Variants in ATP11A observed in about 807,000 individuals in gnomAD.
ATP11A encodes phospholipid-transporting ATPase IH.
In ATP11A, 81 loss-of-function variants were observed where a neutral mutation model predicts 154.4. The ratio of observed to expected loss-of-function variants is 0.52; its 90% confidence interval spans 0.44 to 0.63. The LOEUF (loss-of-function observed/expected upper bound fraction) is 0.63. Ranked by LOEUF, ATP11A falls within the 30% of genes least tolerant of loss-of-function variation. The pLI is 0.00. For missense variants in ATP11A, 1,316 were observed against 1,474.3 expected, an observed-to-expected ratio of 0.89 and a Z score of 1.76; for synonymous variants, 623 against 585.9, an observed-to-expected ratio of 1.06 and a Z score of -0.91.
chr13:112,804,816 CTA>C (rs1157448252), intron 2 of ATP11A, 139 bp from the exon 3 acceptor site: 1 of 513,798 alleles, frequency 1.9e-6, no homozygotes, highest in Non-Finnish European at 3.3e-6. Flanking sequence ...AACAAACACT[CTA>C]AATTATGAAT....
chr13:112,878,026 G>C (rs1037003445), intron 28 of ATP11A, among the ~76,000 whole-genome samples, 191 bp from the exon 29 acceptor site: 1 of 152,214 alleles, frequency 6.6e-6, no homozygotes, highest in Non-Finnish European at 1.5e-5. Flanking sequence ...GGCGGGTCAC[G>C]GTGGGGGGCA....
intron 6 of ATP11A, among the ~76,000 whole-genome samples, chr13:112,817,338 T>G (rs1439496407): frequency 6.6e-6 from 1 of 152,240 alleles, no homozygotes; most frequent in East Asian, 1.9e-4. Context: ...CATAGATAAT[T>G]CATGATATGT....
At chr13:112,723,963 T>C (rs957250594) in intron 1 of ATP11A, among the ~76,000 whole-genome samples, 2 of 152,076 alleles carry the variant, frequency 1.3e-5, no homozygotes, top group Non-Finnish European at 2.9e-5. Flanking sequence ...TACCACTTAA[T>C]GTACATACAA....
intron 1 of ATP11A, among the ~76,000 whole-genome samples, chr13:112,698,888 A>AT (rs1029903670): frequency 4.0e-5 from 6 of 151,830 alleles, no homozygotes; most frequent in African/African-American, 1.5e-4. Flanking sequence ...CGCCTGTCTC[A>AT]TTTTTTAATT....
intron 1 of ATP11A, among the ~76,000 whole-genome samples, chr13:112,722,735 T>A (rs1889342349): frequency 1.3e-5 from 2 of 152,132 alleles, no homozygotes. Flanking sequence ...ACAATATGAG[T>A]GGCCGTGGCT....
At chr13:112,854,900 G>A (rs1278826682) in intron 19 of ATP11A, among the ~76,000 whole-genome samples, 2 of 152,246 alleles carry the variant, frequency 1.3e-5, no homozygotes, top group Admixed American at 6.5e-5. Context: ...AGGAAGTGGA[G>A]ATATTAATAA....
At chr13:112,805,189 GAAGGGCAA>G in intron 3 of ATP11A, 143 bp downstream of exon 3, 1 of 556,978 alleles carries the variant, frequency 1.8e-6, no homozygotes, top group Non-Finnish European at 3.0e-6. Flanking sequence ...TTTTCTTAAG[GAAGGGCAA>G]AATGTCTTGG....
chr13:112,768,582 G>A (rs75222185), intron 1 of ATP11A, among the ~76,000 whole-genome samples: 2,186 of 152,214 alleles, frequency 0.014, 64 homozygotes, highest in African/African-American at 0.05. Flanking sequence ...TCGTTGTCTC[G>A]GCCAGTGGCT....
At position 112,792,664 on chromosome 13, in the gene ATP11A, A is replaced by ACTT. The variant is rs1289396320; in HGVS notation, c.162+7408_162+7410dup. On this transcript the variant is annotated intron_variant, in intron 2 of 29. Coordinates refer to ENST00000375645, the MANE Select transcript of ATP11A (RefSeq NM_015205.3). The stretch of plus-strand genomic sequence containing the variant: ...AGTTTGTTTCCTTCTTGGGGGAGAG[A>ACTT]CTTTGGGCAGTGTCAAAACCTGAAA... Among the ~76,000 whole-genome samples the ACTT allele has an allele frequency of 3.2e-3, 481 of 152,092 alleles. 2 individuals are homozygous for ACTT. Among genetic ancestry groups the ACTT allele is most frequent in the African/African-American group, 0.011 (461 of 41,494 alleles).
chr13:112,869,867 G>T (rs768898707), intron 25 of ATP11A, among the ~76,000 whole-genome samples: 1 of 152,232 alleles, frequency 6.6e-6, no homozygotes, highest in African/African-American at 2.4e-5. Context: ...ACAAAGAGAC[G>T]GCACTTTTTG....
At chr13:112,821,708 C>T (rs1292934764) in intron 8 of ATP11A, among the ~76,000 whole-genome samples, 5 of 152,178 alleles carry the variant, frequency 3.3e-5, no homozygotes, top group African/African-American at 7.2e-5. Context: ...TTAAGAATTA[C>T]GCACCCAAAT....
rs993731722 is a variant in ATP11A, at chr13:112,746,807, G to A, written c.40-38328G>A. 4.0e-5 allele frequency: 6 copies of A among 151,698 alleles called. No homozygotes were observed. The highest frequency in any genetic ancestry group is 3.9e-4 in the East Asian group (2 of 5,186). 9.4% of individuals were successfully genotyped at this position (151,698 alleles called of 1,614,324 possible). A position where few individuals can be genotyped will look rare whatever the true frequency, so the allele number is the denominator to read the frequency against. ...TATTGAACTCAAGTGATCCTCCTAC[G>A]TTGACCTCCCTAAGTGCTGGGATTA... is the stretch of plus-strand genomic sequence containing the variant. On this transcript the variant is annotated intron_variant, in intron 1 of 29. Coordinates refer to ENST00000375645, the MANE Select transcript of ATP11A (RefSeq NM_015205.3). This position sits in a 1 kb window ranked among gnomAD's most constrained non-coding sequence, Gnocchi z 4.1.
In ATP11A at chr13:112,820,225, T is replaced by A. The variant is rs149180060; in HGVS notation, c.725+275T>A. 2.0e-4 allele frequency among the ~76,000 whole-genome samples: 30 copies of A among 152,286 alleles called. No homozygotes were observed. In the East Asian group the frequency reaches 3.9e-3, roughly 20 times the overall value. On this transcript the variant is annotated intron_variant, in intron 8 of 29. Coordinates refer to ENST00000375645, the MANE Select transcript of ATP11A (RefSeq NM_015205.3). ...CAGGCCAGGAGGCGTCAGGGTCCCG[T>A]GGAGCAGTTTCAAAGTGAAGGGCGG...
rs2079842512 is a variant in ATP11A at position 112,853,699 on chromosome 13, A to G, written c.1992-580A>G. Among the ~76,000 whole-genome samples, 3 of 152,212 alleles carry G rather than the reference A, an allele frequency of 2.0e-5. No individual in the cohort carries two copies. In the South Asian group the frequency reaches 6.2e-4, roughly 32 times the overall value. ...CTCGTGACATCATGGTAAGCATGAAAGATTGCACATAGGAAGTGTCACACA... is the reference window on the plus strand; with the variant it reads ...CTCGTGACATCATGGTAAGCATGAAGGATTGCACATAGGAAGTGTCACACA... On this transcript the variant is annotated intron_variant, in intron 18 of 29. Coordinates refer to ENST00000375645, the MANE Select transcript of ATP11A (RefSeq NM_015205.3).
At chr13:112,846,602 C>A (rs1035151093) in intron 17 of ATP11A, among the ~76,000 whole-genome samples, 1 of 152,168 alleles carries the variant, frequency 6.6e-6, no homozygotes, top group Non-Finnish European at 1.5e-5. Context: ...AAATCCTCCT[C>A]GCTAACTGCA....
At chr13:112,709,651 T>C (rs1284718428) in intron 1 of ATP11A, among the ~76,000 whole-genome samples, 1 of 152,262 alleles carries the variant, frequency 6.6e-6, no homozygotes, top group Non-Finnish European at 1.5e-5. Flanking sequence ...TGTTTAAATT[T>C]ACCTATAGCC....
rs371293565 is a variant in ATP11A, at chr13:112,840,107, C to G, written c.1706-2169C>G. On this transcript the variant is annotated intron_variant, in intron 16 of 29. Transcript: ENST00000375645. Reference sequence around the variant, plus strand: ...GCCTCAGCCTGCTCACTCCCGTGCCCTCCAGCCTCAGCCTCCCCACTCTCC... The same window carrying G: ...GCCTCAGCCTGCTCACTCCCGTGCCGTCCAGCCTCAGCCTCCCCACTCTCC... Among the ~76,000 whole-genome samples the G allele has an allele frequency of 3.9e-4, 58 of 147,104 alleles. No homozygotes were observed. The East Asian group carries it at 7.9e-3, about 20-fold the overall frequency.
chr13:112,851,264 C>G, intron 18 of ATP11A, 46 bp downstream of exon 18: 1 of 1,579,428 alleles, frequency 6.3e-7, no homozygotes, highest in Non-Finnish European at 8.6e-7. Context: ...AACTGGGATG[C>G]AGGCCGACGG....
At chr13:112,778,079 C>T (rs549403423) in intron 1 of ATP11A, among the ~76,000 whole-genome samples, 24 of 152,368 alleles carry the variant, frequency 1.6e-4, no homozygotes, top group Non-Finnish European at 3.2e-4. Context: ...TACAGTCTTC[C>T]GTGTGAATCG....
Sources: gnomAD v4.1 joint callset for allele counts (sites outside exome capture counted in the v4.1 genomes callset) on GRCh38, gnomAD v4.1.1 for gene constraint, Gnocchi (gnomAD v3.1) non-coding constraint, MANE v1.5 for transcripts, NCBI Gene and HGNC (gene_info 2026-07-23, HGNC 2026-07-21) for gene names.